Variants in PCDHGB6 observed in about 807,000 individuals in gnomAD.
The protein encoded by PCDHGB6 is protocadherin gamma-B6.
A neutral mutation model predicts 59.1 loss-of-function variants in PCDHGB6; 51 were observed. The ratio of observed to expected loss-of-function variants is 0.86; its 90% CI spans 0.69 to 1.09. The LOEUF is 1.09. Among genes scored for constraint, PCDHGB6 ranks in the 50% least tolerant of loss-of-function variants. PCDHGB6 has a pLI of 0.00. For missense variants in PCDHGB6, 1,148 were observed against 1,205.1 expected, an observed-to-expected ratio of 0.95 and a Z score of 0.70; for synonymous variants, 466 against 495.1, an observed-to-expected ratio of 0.94 and a Z score of 0.78.
At chr5:141,478,142 G>C in intron 1 of PCDHGB6, 1 of 1,613,988 alleles carries the variant, frequency 6.2e-7, no homozygotes, top group South Asian at 1.1e-5. Flanking sequence ...AGCCCGAGCC[G>C]AGTTCCCCTC....
chr5:141,425,217 T>G (rs565640413), intron 1 of PCDHGB6, among the ~76,000 whole-genome samples: 51 of 152,294 alleles, frequency 3.3e-4, no homozygotes, highest in Middle Eastern at 3.4e-3. Flanking sequence ...GCATTGTACT[T>G]TGACTGGAAT....
At position 141,476,030 on chromosome 5, in the gene PCDHGB6, G is replaced by A; in HGVS notation, c.2419-18777G>A. On this transcript the variant is annotated intron_variant, in intron 1 of 3. Coordinates refer to ENST00000520790, the MANE Select transcript of PCDHGB6 (RefSeq NM_018926.3). This position sits in a 1 kb window ranked among gnomAD's most constrained non-coding sequence, Gnocchi z 7.6. ...AAAGCCATGTCGGACTCGGCGCCCA[G>A]CGCCCAAGCGCTAACCCGCTGAAAG... 2.7e-6 allele frequency: 4 copies of A among 1,459,176 alleles called. No individual in the cohort carries two copies. The highest frequency in any genetic ancestry group is 3.6e-6 in the Non-Finnish European group (4 of 1,096,658). The allele number at this position is 1,459,176 out of a possible 1,614,324, so 90.4% of individuals were successfully genotyped here. A position where few individuals can be genotyped will look rare whatever the true frequency, so the allele number is the denominator to read the frequency against.
At chr5:141,494,733 C>G in intron 1 of PCDHGB6, 74 bp from the exon 2 acceptor site, 1 of 1,610,826 alleles carries the variant, frequency 6.2e-7, no homozygotes, top group South Asian at 1.1e-5. Flanking sequence ...CTCTCCCGGC[C>G]CATCCCTAGG....
rs763239421 is a variant in PCDHGB6, at chr5:141,477,265, G to C, written c.2419-17542G>C. 1 of 1,614,198 alleles carries C rather than the reference G, an allele frequency of 6.2e-7. No homozygotes were observed. Among genetic ancestry groups the C allele is most frequent in the Admixed American group, 1.7e-5 (1 of 60,020 alleles). On this transcript the variant is annotated intron_variant, in intron 1 of 3. Coordinates refer to ENST00000520790, the MANE Select transcript of PCDHGB6 (RefSeq NM_018926.3). The surrounding 1 kb of genome is among the most constrained non-coding windows in gnomAD (Gnocchi z 4.9). ...GTGTGACTGACCTGGATGCTGGCGA[G>C]AACGGGCTGGTGACCTGCGAAGTTC...
At chr5:141,465,150 G>A (rs192648619) in intron 1 of PCDHGB6, among the ~76,000 whole-genome samples, 474 of 151,492 alleles carry the variant, frequency 3.1e-3, no homozygotes, top group Middle Eastern at 0.024. Context: ...GATATATGAA[G>A]GGACTCTAAA....
intron 3 of PCDHGB6, among the ~76,000 whole-genome samples, chr5:141,509,686 G>A (rs1350812680): frequency 6.6e-6 from 1 of 152,212 alleles, no homozygotes; most frequent in Non-Finnish European, 1.5e-5. Flanking sequence ...CTTCTGTACA[G>A]TGGGACGTTG....
At chr5:141,416,434 A>G (rs2096024040) in intron 1 of PCDHGB6, 1 of 152,222 alleles carries the variant, frequency 6.6e-6, no homozygotes, top group African/African-American at 2.4e-5. Context: ...CTAAGGCTGA[A>G]AGTAAATATG....
chr5:141,408,226 G>T lies in PCDHGB6; in HGVS notation c.24G>T (p.Arg8Ser), dbSNP rs909432449. The stretch of plus-strand genomic sequence containing the variant: ...CGATGGGAGGGAGCTGCGCGCAGAG[G>T]CGCCGGGCCGGCCCGCGGCAGGTGC... MGGSCAQRRRAGPRQVLF... is the reference protein window; with the variant it reads MGGSCAQSRRAGPRQVLF... The change falls in exon 1 of 4, where the codon AGG becomes AGT. Residue 8 changes from arginine to serine, a missense_variant. Coordinates refer to ENST00000520790, the MANE Select transcript of PCDHGB6 (RefSeq NM_018926.3). 2.1e-5 allele frequency: 33 copies of T among 1,562,288 alleles called. No individual in the cohort carries two copies. Among genetic ancestry groups the T allele is most frequent in the Admixed American group, 3.9e-5 (2 of 51,594 alleles).
At chr5:141,468,797 C>A (rs191599825) in intron 1 of PCDHGB6, among the ~76,000 whole-genome samples, 1 of 151,770 alleles carries the variant, frequency 6.6e-6, no homozygotes, top group East Asian at 1.9e-4. Context: ...ACCCGGGAGG[C>A]GGAACTTGCA....
At chr5:141,413,520 A>G in intron 1 of PCDHGB6, 1 of 1,613,986 alleles carries the variant, frequency 6.2e-7, no homozygotes, top group Non-Finnish European at 8.5e-7. Flanking sequence ...TCCTTGTGGA[A>G]GACAGGGTGA....
rs115568443 is a variant in PCDHGB6 at position 141,439,423 on chromosome 5, A to G, written c.2418+28803A>G. On this transcript the variant is annotated intron_variant, in intron 1 of 3. Coordinates refer to ENST00000520790, the MANE Select transcript of PCDHGB6 (RefSeq NM_018926.3). ...TGTGCTAACATCACTGAGGTTATAA[A>G]TTCCCAGGAATATTTTATTGCGGGA... 1.0e-2 allele frequency among the ~76,000 whole-genome samples: 1,522 copies of G among 152,306 alleles called. 34 individuals carry two copies. Among genetic ancestry groups the G allele is most frequent in the African/African-American group, 0.034 (1,425 of 41,558 alleles).
intron 1 of PCDHGB6, among the ~76,000 whole-genome samples, chr5:141,471,039 A>G (rs1175460270): frequency 7.2e-6 from 1 of 137,964 alleles, no homozygotes; most frequent in Non-Finnish European, 1.5e-5. Context: ...TAACAAGCCC[A>G]AGCCCTCTTT....
chr5:141,506,025 A>T (rs2099850088), intron 3 of PCDHGB6, among the ~76,000 whole-genome samples: 1 of 152,150 alleles, frequency 6.6e-6, no homozygotes, highest in African/African-American at 2.4e-5. Context: ...CCCTAACTCC[A>T]GAGTAGGATT....
rs372245447 is a variant in PCDHGB6, at chr5:141,489,609, C to T, written c.2419-5198C>T. ...AGCTAATCCGTGTAGAGGTAGAGAT[C>T]CTGGATCTCAATGACAACTCTCCTA... On this transcript the variant is annotated intron_variant, in intron 1 of 3. Coordinates refer to ENST00000520790, the MANE Select transcript of PCDHGB6 (RefSeq NM_018926.3). This position sits in a 1 kb window ranked among gnomAD's most constrained non-coding sequence, Gnocchi z 4.5. The T allele has an allele frequency of 1.9e-6, 3 of 1,613,934 alleles. No homozygotes were observed. The African/African-American group carries it at 4.0e-5, about 22-fold the overall frequency.
Position 141,485,094 on chromosome 5 carries a change from C to A in PCDHGB6, c.2419-9713C>A. ...GGCGCGGGGAAAGGGAGATAGGTGT[C>A]TCCAGCTGCTGTGGCTGTTTGGGGC... On this transcript the variant is annotated intron_variant, in intron 1 of 3. Coordinates refer to ENST00000520790, the MANE Select transcript of PCDHGB6 (RefSeq NM_018926.3). The surrounding 1 kb of genome is among the most constrained non-coding windows in gnomAD (Gnocchi z 5.7). 9.1e-7 allele frequency: 1 copy of A among 1,100,766 alleles called. No individual in the cohort carries two copies. Among genetic ancestry groups the A allele is most frequent in the Non-Finnish European group, 1.4e-6 (1 of 736,922 alleles). The allele number at this position is 1,100,766 out of a possible 1,614,324, so 68.2% of individuals were successfully genotyped here. A position where few individuals can be genotyped will look rare whatever the true frequency, so the allele number is the denominator to read the frequency against.
rs956263164 is a variant in PCDHGB6 at position 141,511,304 on chromosome 5, C to G, written c.*131C>G. The G allele has an allele frequency of 3.3e-5, 49 of 1,490,320 alleles. No homozygotes were observed. The highest frequency in any genetic ancestry group is 4.2e-5 in the African/African-American group (3 of 71,286). The allele number at this position is 1,490,320 out of a possible 1,614,324, so 92.3% of individuals were successfully genotyped here. ...TGGTAGGGGCCAAGGCCATGCTCCC[C>G]TTGGGAAACAGAAACAAGTGCCCAG... On this transcript the variant is annotated 3_prime_UTR_variant, in exon 4 of 4. Coordinates refer to ENST00000520790, the MANE Select transcript of PCDHGB6 (RefSeq NM_018926.3).
intron 2 of PCDHGB6, 22 bp from the exon 3 acceptor site, chr5:141,505,371 C>G: frequency 1.2e-6 from 2 of 1,613,980 alleles, no homozygotes; most frequent in Non-Finnish European, 1.7e-6. Context: ...AGTCTGTGCT[C>G]ACCATCCTAC....
chr5:141,478,045 T>A, intron 1 of PCDHGB6: 1 of 1,614,144 alleles, frequency 6.2e-7, no homozygotes, highest in Non-Finnish European at 8.5e-7. Context: ...CCAGGCAGAC[T>A]CTCACGGTCT....
chr5:141,419,769 CGGT>C, intron 1 of PCDHGB6: 1 of 1,614,006 alleles, frequency 6.2e-7, no homozygotes, highest in Non-Finnish European at 8.5e-7. Context: ...GACAAGGACT[CGGT>C]CCGCCAGCGC....
Sources: gnomAD v4.1 joint callset for allele counts (sites outside exome capture counted in the v4.1 genomes callset) on GRCh38, gnomAD v4.1.1 for gene constraint, Gnocchi (gnomAD v3.1) non-coding constraint, MANE v1.5 for transcripts, NCBI Gene and HGNC (gene_info 2026-07-23, HGNC 2026-07-21) for gene names.